Variants in FANK1 observed in about 807,000 individuals in gnomAD.
FANK1 encodes the protein fibronectin type III and ankyrin repeat domains 1.
In FANK1, 44 loss-of-function variants were observed where a neutral mutation model predicts 45.3. The observed-to-expected ratio is 0.97, with a 90% confidence interval of 0.76 to 1.25. FANK1 has a LOEUF of 1.25. Among genes scored for constraint, FANK1 ranks in the 50% most tolerant of loss-of-function variants. FANK1 has a pLI of 0.00. For missense variants in FANK1, 391 were observed against 424.4 expected (o/e 0.92, Z 0.69); for synonymous variants, 149 against 152.5 (o/e 0.98, Z 0.17).
intron 1 of FANK1, among the ~76,000 whole-genome samples, chr10:125,956,202 T>TGGG (rs71486556): frequency 0.015 from 1,113 of 72,146 alleles, 17 homozygotes; most frequent in African/African-American, 0.031. Flanking sequence ...ATACATTTTT[T>TGGG]GGGGGGGGGG....
In FANK1 at chr10:125,959,224, C is replaced by T. The variant is rs540273778; in HGVS notation, c.14-20937C>T. ...CCAGCCTGGCCAACATGGTAAAACCCTGCCTCTACTAAAAATCCACACACA... is the reference window on the plus strand; with the variant it reads ...CCAGCCTGGCCAACATGGTAAAACCTTGCCTCTACTAAAAATCCACACACA... On this transcript the variant is annotated intron_variant, in intron 1 of 10. Coordinates refer to ENST00000368693, the MANE Select transcript of FANK1 (RefSeq NM_145235.5). Among the ~76,000 whole-genome samples, 746 of 145,978 alleles carry T rather than the reference C, an allele frequency of 5.1e-3. 1 individual carries two copies. The highest frequency in any genetic ancestry group is 0.018 in the African/African-American group (725 of 40,134).
intron 1 of FANK1, among the ~76,000 whole-genome samples, chr10:125,905,127 T>TC (rs1339033621): frequency 5.6e-4 from 34 of 60,514 alleles, no homozygotes; most frequent in African/African-American, 2.1e-3. Flanking sequence ...CGAGACTCTG[T>TC]CCCAAAAAAA....
chr10:125,934,794 G>A (rs559437805), intron 1 of FANK1, among the ~76,000 whole-genome samples: 1 of 117,434 alleles, frequency 8.5e-6, no homozygotes, highest in Non-Finnish European at 1.6e-5. Flanking sequence ...GTTGGAATGT[G>A]GCAGAACCAG....
chr10:125,992,645 G>C lies in FANK1; in HGVS notation c.317-2772G>C, dbSNP rs968831263. On this transcript the variant is annotated intron_variant, in intron 3 of 10. Transcript: ENST00000368693. ...CGGTCCTTAAGCTTATAAACATGCA[G>C]TGAACTTGTTTCATTTCCCAACCTT... 3.3e-5 allele frequency among the ~76,000 whole-genome samples: 5 copies of C among 152,242 alleles called. No individual in the cohort carries two copies. In the South Asian group the frequency reaches 1.0e-3, roughly 32 times the overall value.
At chr10:125,990,345 G>A (rs1191808032) in intron 3 of FANK1, among the ~76,000 whole-genome samples, 1 of 152,136 alleles carries the variant, frequency 6.6e-6, no homozygotes, top group Non-Finnish European at 1.5e-5. Context: ...AGTGAGCTAT[G>A]GTGGCACCAC....
At chr10:125,912,255 G>C (rs953124506) in intron 1 of FANK1, among the ~76,000 whole-genome samples, 5 of 152,156 alleles carry the variant, frequency 3.3e-5, no homozygotes, top group South Asian at 4.1e-4. Flanking sequence ...AAACCTGTTT[G>C]TTTTACCATA....
chr10:125,956,211 G>GGT (rs1949567897), intron 1 of FANK1, among the ~76,000 whole-genome samples: 1 of 139,214 alleles, frequency 7.2e-6, no homozygotes, highest in African/African-American at 2.6e-5. Flanking sequence ...TTGGGGGGGG[G>GGT]GCGGTGGTGG....
intron 1 of FANK1, among the ~76,000 whole-genome samples, chr10:125,920,217 C>T (rs1266039506): frequency 6.6e-6 from 1 of 152,138 alleles, no homozygotes; most frequent in Non-Finnish European, 1.5e-5. Flanking sequence ...AAAAAATTGG[C>T]AATCATTTGG....
At chr10:125,961,215 T>G (rs1949905463) in intron 1 of FANK1, among the ~76,000 whole-genome samples, 1 of 152,184 alleles carries the variant, frequency 6.6e-6, no homozygotes, top group Non-Finnish European at 1.5e-5. Context: ...TAAGAAATCC[T>G]CGTACTTCAG....
chr10:125,904,239 CAAATT>C (rs917936128), intron 1 of FANK1, among the ~76,000 whole-genome samples: 22 of 152,282 alleles, frequency 1.4e-4, no homozygotes, highest in Admixed American at 1.3e-4. Flanking sequence ...TAAGCAGAAA[CAAATT>C]AAAAGGTTGT....
intron 1 of FANK1, among the ~76,000 whole-genome samples, chr10:125,931,779 T>C (rs1372631979): frequency 6.6e-6 from 1 of 152,210 alleles, no homozygotes; most frequent in East Asian, 1.9e-4. Flanking sequence ...ATGAAATCCT[T>C]GCTAAGCCAA....
chr10:125,937,518 T>C (rs1948181096), intron 1 of FANK1, among the ~76,000 whole-genome samples: 1 of 152,202 alleles, frequency 6.6e-6, no homozygotes, highest in Non-Finnish European at 1.5e-5. Flanking sequence ...ACTTTTTTCA[T>C]GTATAAGCTT....
At chr10:125,902,150 T>C (rs1010948547) in intron 1 of FANK1, among the ~76,000 whole-genome samples, 7 of 152,158 alleles carry the variant, frequency 4.6e-5, no homozygotes, top group African/African-American at 1.7e-4. Flanking sequence ...TTAGGAGATA[T>C]ACCTAATGCT....
At chr10:125,970,366 G>C (rs572908082) in intron 1 of FANK1, among the ~76,000 whole-genome samples, 1 of 151,942 alleles carries the variant, frequency 6.6e-6, no homozygotes, top group Non-Finnish European at 1.5e-5. Context: ...GGGCAGAGGC[G>C]CTCCCCACAT....
At position 125,983,705 on chromosome 10, in the gene FANK1, G is replaced by A. The variant is rs1951369853; in HGVS notation, c.191+3367G>A. Among the ~76,000 whole-genome samples, 2 of 152,180 alleles carry A rather than the reference G, an allele frequency of 1.3e-5. No homozygotes were observed. The highest frequency in any genetic ancestry group is 1.3e-4 in the Admixed American group (2 of 15,272). On this transcript the variant is annotated intron_variant, in intron 2 of 10. Coordinates refer to ENST00000368693, the MANE Select transcript of FANK1 (RefSeq NM_145235.5). This position sits in a 1 kb window ranked among gnomAD's most constrained non-coding sequence, Gnocchi z 4.3. ...CATTGAGGAACAGAGGGAACAAGGA[G>A]GAAAATAATGGGGGCGAGGGCAGCT...
chr10:125,932,439 A>G (rs1162097947), intron 1 of FANK1, among the ~76,000 whole-genome samples: 1 of 152,096 alleles, frequency 6.6e-6, no homozygotes, highest in Non-Finnish European at 1.5e-5. Context: ...GTATATTCCT[A>G]AGTATTTTAG....
intron 1 of FANK1, among the ~76,000 whole-genome samples, chr10:125,967,057 G>A (rs1950234523): frequency 6.6e-6 from 1 of 152,068 alleles, no homozygotes; most frequent in Non-Finnish European, 1.5e-5. Flanking sequence ...AAATATTCTT[G>A]TATATAAATA....
At chr10:125,992,012 C>T (rs1951980392) in intron 3 of FANK1, among the ~76,000 whole-genome samples, 1 of 152,180 alleles carries the variant, frequency 6.6e-6, no homozygotes, top group African/African-American at 2.4e-5. Flanking sequence ...TCACCATGGG[C>T]AGAATCAGTT....
intron 1 of FANK1, chr10:125,907,326 G>A (rs1157995212): frequency 4.8e-6 from 1 of 207,260 alleles, no homozygotes; most frequent in East Asian, 1.9e-4. Flanking sequence ...TGCTGCATAA[G>A]AAATTACCTG....
Sources: gnomAD v4.1 joint callset for allele counts (sites outside exome capture counted in the v4.1 genomes callset) on GRCh38, gnomAD v4.1.1 for gene constraint, Gnocchi (gnomAD v3.1) non-coding constraint, MANE v1.5 for transcripts, NCBI Gene and HGNC (gene_info 2026-07-23, HGNC 2026-07-21) for gene names.